Variants in CLASP1 observed in about 807,000 individuals in gnomAD.
CLASP1 encodes cytoplasmic linker associated protein 1.
CLASP1 carries 38 observed loss-of-function variants against 192.3 expected under a neutral mutation model. The observed-to-expected ratio is 0.20, with a 90% CI of 0.15 to 0.26. CLASP1 has a LOEUF of 0.26. Among genes scored for constraint, CLASP1 ranks in the 10% least tolerant of loss-of-function variants. The pLI, the probability that CLASP1 is intolerant of heterozygous loss-of-function variation, is 1.00. For missense variants in CLASP1, 1,433 were observed against 1,932.5 expected, an observed-to-expected ratio of 0.74 and a Z score of 4.85; for synonymous variants, 691 against 712.8, an observed-to-expected ratio of 0.97 and a Z score of 0.49.
Position 121,543,417 on chromosome 2 carries a change from T to TA in CLASP1, c.196-13093dup, listed in dbSNP as rs139841820. Reference sequence around the variant, plus strand: ...AAATTTGCAATCTCTCTCATCCAGATACATCCCATAAACATGAGATCAGGC... The same window carrying TA: ...AAATTTGCAATCTCTCTCATCCAGATAACATCCCATAAACATGAGATCAGGC... On this transcript the variant is annotated intron_variant, in intron 2 of 39. Coordinates refer to ENST00000263710, the Ensembl canonical transcript of CLASP1. 2.4e-3 allele frequency among the ~76,000 whole-genome samples: 372 copies of TA among 152,334 alleles called. 1 individual carries two copies. Among genetic ancestry groups the TA allele is most frequent in the Non-Finnish European group, 4.2e-3 (286 of 68,038 alleles).
At chr2:121,431,784 A>T (rs1441475442) in intron 19 of CLASP1, among the ~76,000 whole-genome samples, 1 of 150,358 alleles carries the variant, frequency 6.7e-6, no homozygotes, top group Admixed American at 6.6e-5. Context: ...TTTCACAACC[A>T]ATAACTCTGT....
At chr2:121,495,241 T>C (rs1372046377) in intron 8 of CLASP1, among the ~76,000 whole-genome samples, 1 of 151,638 alleles carries the variant, frequency 6.6e-6, no homozygotes, top group Non-Finnish European at 1.5e-5. Flanking sequence ...CTGAATGGCA[T>C]GAACCCAGGA....
intron 2 of CLASP1, among the ~76,000 whole-genome samples, chr2:121,554,430 G>A (rs552564978): frequency 7.7e-6 from 1 of 129,924 alleles, no homozygotes; most frequent in Admixed American, 8.6e-5. Context: ...GGGCAACATA[G>A]GAAGACCCTG....
At chr2:121,418,779 G>A (rs374607313) in intron 22 of CLASP1, 50 bp from the exon 23 acceptor site, 2 of 1,272,822 alleles carry the variant, frequency 1.6e-6, no homozygotes, top group Non-Finnish European at 2.3e-6. Flanking sequence ...GTTTAATGAA[G>A]ACAGATAAAC....
At chr2:121,541,447 T>C (rs544005067) in intron 2 of CLASP1, among the ~76,000 whole-genome samples, 4 of 152,284 alleles carry the variant, frequency 2.6e-5, no homozygotes, top group African/African-American at 9.6e-5. Context: ...GTTGTAAAGT[T>C]TGGTAAATGA....
intron 39 of CLASP1, among the ~76,000 whole-genome samples, chr2:121,346,406 T>C (rs541879160): frequency 2.4e-4 from 37 of 152,378 alleles, no homozygotes; most frequent in African/African-American, 8.9e-4. Context: ...TTAAAACCAA[T>C]AAGCAGTCTA....
chr2:121,397,988 T>C (rs1458943710), intron 29 of CLASP1, among the ~76,000 whole-genome samples: 2 of 152,208 alleles, frequency 1.3e-5, no homozygotes, highest in Non-Finnish European at 2.9e-5. Context: ...AATTTTCTAG[T>C]TTAAATATTA....
intron 2 of CLASP1, among the ~76,000 whole-genome samples, chr2:121,538,712 G>A (rs2095157408): frequency 1.3e-5 from 2 of 151,240 alleles, no homozygotes; most frequent in Admixed American, 6.6e-5. Flanking sequence ...TTGAACCCAG[G>A]AAGCAGAGGT....
At chr2:121,595,726 A>G (rs896501834) in intron 2 of CLASP1, among the ~76,000 whole-genome samples, 5 of 152,212 alleles carry the variant, frequency 3.3e-5, no homozygotes, top group Admixed American at 3.3e-4. Context: ...TCTTATTACA[A>G]GAGACCCAAG....
At chr2:121,479,814 T>C (rs993478967) in intron 8 of CLASP1, among the ~76,000 whole-genome samples, 1 of 152,064 alleles carries the variant, frequency 6.6e-6, no homozygotes, top group Admixed American at 6.5e-5. Flanking sequence ...AAAATCCCTC[T>C]CCCTGTTTAC....
At chr2:121,396,627 A>T (rs10496566) in intron 30 of CLASP1, among the ~76,000 whole-genome samples, 90,051 of 152,170 alleles carry the variant, frequency 0.59, 29,923 homozygotes, top group African/African-American at 0.88. Context: ...ATATAGAATA[A>T]GTTTCAGCCC....
chr2:121,530,470 T>C, intron 2 of CLASP1, 145 bp from the exon 3 acceptor site: 3 of 614,096 alleles, frequency 4.9e-6, no homozygotes, highest in Non-Finnish European at 6.0e-6. Context: ...CCAAAGAGAT[T>C]AGCACGAAGA....
intron 10 of CLASP1, 67 bp downstream of exon 10, chr2:121,462,465 T>C: frequency 1.0e-5 from 9 of 891,746 alleles, no homozygotes; most frequent in Non-Finnish European, 1.4e-5. Flanking sequence ...ATAGGCAGAA[T>C]TGAAAAATAA....
chr2:121,615,242 GGAA>G (rs1325158684), intron 1 of CLASP1, among the ~76,000 whole-genome samples: 3 of 152,164 alleles, frequency 2.0e-5, no homozygotes, highest in Non-Finnish European at 4.4e-5. Context: ...GGGAGGCTGA[GGAA>G]GGAGAATCGC....
chr2:121,419,578 C>A (rs550695445), intron 22 of CLASP1, among the ~76,000 whole-genome samples: 1 of 152,158 alleles, frequency 6.6e-6, no homozygotes, highest in South Asian at 2.1e-4. Flanking sequence ...TGATTATCTA[C>A]GGCTAAAGTT....
chr2:121,563,520 C>A lies in CLASP1; in HGVS notation c.196-33195G>T, dbSNP rs80349601. Reference sequence around the variant, plus strand: ...AACATGCCGACACACTTAATGAATTCTCTTATTAAAAAATATGCTAACTTG... The same window carrying A: ...AACATGCCGACACACTTAATGAATTATCTTATTAAAAAATATGCTAACTTG... On this transcript the variant is annotated intron_variant, in intron 2 of 39. Coordinates refer to ENST00000263710, the Ensembl canonical transcript of CLASP1. Among the ~76,000 whole-genome samples, 46 of 152,254 alleles carry A rather than the reference C, an allele frequency of 3.0e-4. No homozygotes were observed. In the East Asian group the frequency reaches 8.7e-3, roughly 29 times the overall value.
chr2:121,369,573 C>T (rs538332637), intron 34 of CLASP1, among the ~76,000 whole-genome samples: 2 of 152,332 alleles, frequency 1.3e-5, no homozygotes, highest in Admixed American at 1.3e-4. Flanking sequence ...ATTCTAATCA[C>T]TGTTAACAAC....
At chr2:121,556,684 A>G (rs2058599422) in intron 2 of CLASP1, among the ~76,000 whole-genome samples, 1 of 152,204 alleles carries the variant, frequency 6.6e-6, no homozygotes, top group Non-Finnish European at 1.5e-5. Flanking sequence ...TCTGATTATC[A>G]TTGCTATTGT....
At chr2:121,344,178 G>A (rs993466599) in intron 39 of CLASP1, among the ~76,000 whole-genome samples, 2 of 152,128 alleles carry the variant, frequency 1.3e-5, no homozygotes, top group Non-Finnish European at 2.9e-5. Flanking sequence ...CGTAAGTGGG[G>A]AACAGAGACC....
Sources: gnomAD v4.1 joint callset for allele counts (sites outside exome capture counted in the v4.1 genomes callset) on GRCh38, gnomAD v4.1.1 for gene constraint, MANE v1.5 for transcripts, NCBI Gene and HGNC (gene_info 2026-07-23, HGNC 2026-07-21) for gene names.